MAGI3: variants seen among roughly 807,000 people sequenced by gnomAD.
The protein encoded by MAGI3 is membrane-associated guanylate kinase, WW and PDZ domain-containing protein 3.
MAGI3 carries 43 observed loss-of-function variants against 121.8 expected under a neutral mutation model. The observed-to-expected ratio is 0.35, with a 90% CI of 0.28 to 0.46. The LOEUF (loss-of-function observed/expected upper bound fraction) is 0.46, where lower values mean the gene tolerates loss of function less well. MAGI3 is among the 20% of genes least tolerant of loss of function. The probability of loss-of-function intolerance (pLI) is 1.00; values close to 1 mark genes in which losing one functional copy is unlikely to be tolerated. For synonymous variants in MAGI3, 553 were observed against 639.3 expected (o/e 0.86, Z 2.04); for missense variants, 1,547 against 1,797.3 (o/e 0.86, Z 2.52).
chr1:113,437,848 CT>C (rs1557756935), intron 1 of MAGI3, among the ~76,000 whole-genome samples: 851 of 60,394 alleles, frequency 0.014, 21 homozygotes, highest in Middle Eastern at 0.041. Flanking sequence ...TCTTCTTCTT[CT>C]TCTTCTTCTT....
rs1000880695 is a variant in MAGI3 at position 113,418,669 on chromosome 1, T to C, written c.316+27320T>C. ...TGGAGTTTGAGGACCATTTCTTACA[T>C]GTGCTTGAATCTCCTGCTGTCTTTA... On this transcript the variant is annotated intron_variant, in intron 1 of 20. Transcript: ENST00000307546. Among the ~76,000 whole-genome samples the C allele has an allele frequency of 2.6e-5, 4 of 152,184 alleles. No individual in the cohort carries two copies. In the South Asian group the frequency reaches 8.3e-4, roughly 31 times the overall value.
chr1:113,609,111 T>C (rs1287683255), intron 6 of MAGI3, among the ~76,000 whole-genome samples: 1 of 152,230 alleles, frequency 6.6e-6, no homozygotes, highest in Non-Finnish European at 1.5e-5. Context: ...TGAGTCTATT[T>C]GTTTTATGCT....
At position 113,672,723 on chromosome 1, in the gene MAGI3, A is replaced by C. The variant is rs1236487337; in HGVS notation, c.3027A>C (p.Val1009=). ...CTGACACCGCAGTAATTTCAGTTGT[A>C]GGCAGTCGGCACAATCAGGTAAACA... ...AQPDTAVISV[V]GSRHNQNLGC... Residue 1009 remains valine (V), a synonymous_variant, in exon 18 of 21, where the codon GTA becomes GTC. Coordinates refer to ENST00000307546, the MANE Select transcript of MAGI3 (RefSeq NM_001142782.2). 6.2e-7 allele frequency: 1 copy of C among 1,612,584 alleles called. No homozygotes were observed. The highest frequency in any genetic ancestry group is 8.5e-7 in the Non-Finnish European group (1 of 1,179,414).
At chr1:113,585,758 G>A (rs1648329725) in intron 4 of MAGI3, among the ~76,000 whole-genome samples, 162 bp downstream of exon 4, 1 of 152,156 alleles carries the variant, frequency 6.6e-6, no homozygotes, top group Admixed American at 6.5e-5. Flanking sequence ...TATTTCTGTA[G>A]ACCATCCTAT....
chr1:113,469,037 G>A (rs1349049426), intron 1 of MAGI3, among the ~76,000 whole-genome samples: 4 of 152,100 alleles, frequency 2.6e-5, no homozygotes, highest in African/African-American at 9.7e-5. Context: ...ATATATGATA[G>A]ATACATACAT....
At chr1:113,543,259 A>G (rs974174716) in intron 1 of MAGI3, among the ~76,000 whole-genome samples, 17 of 152,160 alleles carry the variant, frequency 1.1e-4, no homozygotes, top group Non-Finnish European at 2.9e-5. Context: ...TCCAGATACC[A>G]TTTTGTGAAT....
chr1:113,489,891 A>G (rs1003423028), intron 1 of MAGI3, among the ~76,000 whole-genome samples: 1 of 152,142 alleles, frequency 6.6e-6, no homozygotes, highest in East Asian at 1.9e-4. Flanking sequence ...GGAATTATGT[A>G]AAGAGACCAA....
intron 1 of MAGI3, among the ~76,000 whole-genome samples, chr1:113,465,516 T>G (rs1322343186): frequency 2.0e-5 from 3 of 150,460 alleles, no homozygotes; most frequent in East Asian, 1.9e-4. Context: ...AAATGTTAAG[T>G]TTTTTTTTCT....
chr1:113,513,610 T>G (rs1470164939), intron 1 of MAGI3, among the ~76,000 whole-genome samples: 1 of 152,046 alleles, frequency 6.6e-6, no homozygotes, highest in East Asian at 1.9e-4. Context: ...TCCTCACACC[T>G]TATACAAAAA....
chr1:113,507,629 A>C (rs189759817), intron 1 of MAGI3, among the ~76,000 whole-genome samples: 1 of 152,324 alleles, frequency 6.6e-6, no homozygotes, highest in Admixed American at 6.5e-5. Flanking sequence ...AAATCTTTCA[A>C]CAGATAATGT....
At chr1:113,603,352 CCAACAA>C (rs58889419) in intron 6 of MAGI3, among the ~76,000 whole-genome samples, 36,426 of 150,646 alleles carry the variant, frequency 0.24, 4,768 homozygotes, top group South Asian at 0.37. Flanking sequence ...TTAAAAATTG[CCAACAA>C]CAACAACAAC....
chr1:113,652,143 A>T (rs1653204103), intron 14 of MAGI3, among the ~76,000 whole-genome samples: 1 of 152,158 alleles, frequency 6.6e-6, no homozygotes, highest in African/African-American at 2.4e-5. Flanking sequence ...TAGCATTAGG[A>T]TATGAATATC....
chr1:113,574,733 C>T (rs988574752), intron 2 of MAGI3, among the ~76,000 whole-genome samples: 2 of 152,026 alleles, frequency 1.3e-5, no homozygotes, highest in African/African-American at 4.8e-5. Context: ...AAGTTGGCCT[C>T]TCTTGCTAGG....
Position 113,683,486 on chromosome 1 carries a change from C to T in MAGI3, c.3918C>T (p.Ala1306=). ...EGSKAPSNAE[A]KLLEGKSRRI... is the part of the protein sequence containing the mutation. ...GCAAAGCTCCATCAAATGCTGAGGC[C>T]AAATTATTAGAGGGTAAGAGTCGAA... Residue 1306 remains alanine, a synonymous_variant, in exon 21 of 21, where the codon GCC becomes GCT. Coordinates refer to ENST00000307546, the MANE Select transcript of MAGI3 (RefSeq NM_001142782.2). 6.2e-7 allele frequency: 1 copy of T among 1,613,804 alleles called. No homozygotes were observed. The highest frequency in any genetic ancestry group is 8.5e-7 in the Non-Finnish European group (1 of 1,179,880).
chr1:113,657,913 T>C (rs568344942), intron 15 of MAGI3, among the ~76,000 whole-genome samples: 3 of 152,334 alleles, frequency 2.0e-5, no homozygotes, highest in African/African-American at 7.2e-5. Flanking sequence ...GCACTGTCTG[T>C]AGGGAAATAA....
At chr1:113,396,538 A>T (rs1350868761) in intron 1 of MAGI3, among the ~76,000 whole-genome samples, 1 of 149,374 alleles carries the variant, frequency 6.7e-6, no homozygotes, top group Admixed American at 6.7e-5. Flanking sequence ...AAAGAGGCAA[A>T]TCCATTCATT....
At chr1:113,619,997 C>G (rs1217193) in intron 8 of MAGI3, among the ~76,000 whole-genome samples, 167 bp downstream of exon 8, 114,131 of 152,086 alleles carry the variant, frequency 0.75, 43,578 homozygotes, top group African/African-American at 0.85. Flanking sequence ...TGAACATTAT[C>G]AGAATACTGA....
chr1:113,485,912 GA>G (rs1345599329), intron 1 of MAGI3, among the ~76,000 whole-genome samples: 1 of 152,154 alleles, frequency 6.6e-6, no homozygotes, highest in Non-Finnish European at 1.5e-5. Context: ...ACTATTTGTT[GA>G]ATAGGGTGTC....
chr1:113,577,399 T>C (rs1395934772), intron 2 of MAGI3, among the ~76,000 whole-genome samples: 1 of 151,982 alleles, frequency 6.6e-6, no homozygotes, highest in Non-Finnish European at 1.5e-5. Context: ...GAGAGGAGAA[T>C]TGGAGACTGT....
Sources: allele counts gnomAD v4.1 joint callset (sites outside exome capture counted in the v4.1 genomes callset), GRCh38; gene constraint gnomAD v4.1.1; transcripts MANE v1.5; gene names NCBI Gene and HGNC (gene_info 2026-07-23, HGNC 2026-07-21).